Variants in TNIK observed in about 807,000 individuals in gnomAD.
TNIK encodes the protein TRAF2 and NCK-interacting protein kinase.
Under a neutral mutation model 191.3 loss-of-function variants are expected in TNIK, and 49 were observed. The observed-to-expected ratio is 0.26, with a 90% confidence interval of 0.20 to 0.32. The LOEUF (loss-of-function observed/expected upper bound fraction) is 0.32. Ranked by LOEUF, TNIK falls within the 10% of genes least tolerant of loss-of-function variation. The probability of loss-of-function intolerance (pLI) is 1.00; values close to 1 mark genes in which losing one functional copy is unlikely to be tolerated. For missense variants in TNIK, 1,155 were observed against 1,702.3 expected (o/e 0.68, Z 5.66); for synonymous variants, 594 against 600.9 (o/e 0.99, Z 0.17).
At chr3:171,379,226 A>T (rs1427289918) in intron 1 of TNIK, among the ~76,000 whole-genome samples, 1 of 152,252 alleles carries the variant, frequency 6.6e-6, no homozygotes, top group African/African-American at 2.4e-5. Context: ...ACTCACAGTT[A>T]GCTCAGTTCA....
At chr3:171,283,526 G>C (rs759431568) in intron 2 of TNIK, among the ~76,000 whole-genome samples, 6 of 152,154 alleles carry the variant, frequency 3.9e-5, no homozygotes, top group Non-Finnish European at 5.9e-5. Context: ...CTTGCTGACT[G>C]CCAGTTAAGG....
In TNIK at chr3:171,380,593, T is replaced by A. The variant is rs1717895964; in HGVS notation, c.58-10908A>T. Among the ~76,000 whole-genome samples, 10 of 152,252 alleles carry A rather than the reference T, an allele frequency of 6.6e-5. No homozygotes were observed. The South Asian group carries it at 2.1e-3, about 31-fold the overall frequency. On this transcript the variant is annotated intron_variant, in intron 1 of 32. Transcript: ENST00000436636. ...TTGATTACAGGCAGAGGTGAAACTTTTAGGTAAAAGGGACCTAACTCTATT... is the reference window on the plus strand; with the variant it reads ...TTGATTACAGGCAGAGGTGAAACTTATAGGTAAAAGGGACCTAACTCTATT...
intron 2 of TNIK, among the ~76,000 whole-genome samples, chr3:171,260,301 C>A (rs1360687217): frequency 6.6e-6 from 1 of 152,102 alleles, no homozygotes; most frequent in Non-Finnish European, 1.5e-5. Flanking sequence ...ATTTCTCTCC[C>A]GCTGCAAGAT....
intron 2 of TNIK, among the ~76,000 whole-genome samples, chr3:171,344,242 C>T (rs891087651): frequency 6.6e-6 from 1 of 152,122 alleles, no homozygotes; most frequent in Non-Finnish European, 1.5e-5. Flanking sequence ...CCTCAGTGGG[C>T]AATTCTGGTT....
chr3:171,392,219 T>C (rs1358174919), intron 1 of TNIK, among the ~76,000 whole-genome samples: 1 of 152,138 alleles, frequency 6.6e-6, no homozygotes, highest in Non-Finnish European at 1.5e-5. Flanking sequence ...ATAGGGACAG[T>C]GATACAAATG....
At chr3:171,070,203 T>C (rs1719006019) in intron 29 of TNIK, among the ~76,000 whole-genome samples, 1 of 152,222 alleles carries the variant, frequency 6.6e-6, no homozygotes. Context: ...AGTGAGGTCA[T>C]GGAGGGGAGC....
At chr3:171,344,083 A>G (rs963242206) in intron 2 of TNIK, among the ~76,000 whole-genome samples, 2 of 152,130 alleles carry the variant, frequency 1.3e-5, no homozygotes, top group Admixed American at 6.6e-5. Context: ...CATCTTTTCT[A>G]TGCCTCCCCA....
At chr3:171,347,015 TC>T (rs1171917523) in intron 2 of TNIK, 5 of 900,220 alleles carry the variant, frequency 5.6e-6, no homozygotes, top group Non-Finnish European at 8.2e-6. Context: ...CAAGGGACAG[TC>T]CTGCAGGCGT....
intron 2 of TNIK, among the ~76,000 whole-genome samples, chr3:171,306,685 C>T (rs1429924393): frequency 1.3e-5 from 2 of 152,046 alleles, no homozygotes; most frequent in African/African-American, 4.8e-5. Context: ...GTGCCTCATT[C>T]AAATGGGCTT....
At chr3:171,365,870 T>C (rs543630651) in intron 2 of TNIK, among the ~76,000 whole-genome samples, 1 of 152,352 alleles carries the variant, frequency 6.6e-6, no homozygotes, top group East Asian at 1.9e-4. Context: ...GAATCCTTCA[T>C]ATTCCTAATT....
intron 15 of TNIK, among the ~76,000 whole-genome samples, chr3:171,136,152 A>G (rs758722307): frequency 6.6e-6 from 1 of 152,212 alleles, no homozygotes; most frequent in African/African-American, 2.4e-5. Context: ...GCACAACATA[A>G]TGATCTTTTC....
chr3:171,182,475 C>T (rs960843895), intron 7 of TNIK, among the ~76,000 whole-genome samples: 4 of 152,112 alleles, frequency 2.6e-5, no homozygotes, highest in African/African-American at 7.2e-5. Flanking sequence ...AGATAAGTTT[C>T]GTTCATGGCC....
intron 2 of TNIK, among the ~76,000 whole-genome samples, chr3:171,333,530 C>T (rs1314580006): frequency 1.3e-5 from 2 of 148,294 alleles, no homozygotes; most frequent in African/African-American, 2.5e-5. Flanking sequence ...GCCAAGATCG[C>T]ACCACTGCAC....
chr3:171,218,928 T>C (rs1302926747), intron 3 of TNIK, among the ~76,000 whole-genome samples: 1 of 134,100 alleles, frequency 7.5e-6, no homozygotes, highest in African/African-American at 2.8e-5. Flanking sequence ...TATTTTTATA[T>C]GTTTTATATA....
intron 2 of TNIK, among the ~76,000 whole-genome samples, chr3:171,316,543 G>A (rs1473410016): frequency 6.6e-6 from 1 of 152,138 alleles, no homozygotes; most frequent in African/African-American, 2.4e-5. Flanking sequence ...CGGGAGAACA[G>A]TTAATAGCCC....
intron 2 of TNIK, among the ~76,000 whole-genome samples, chr3:171,242,836 T>G (rs1261321676): frequency 6.6e-6 from 1 of 152,220 alleles, no homozygotes; most frequent in Admixed American, 6.5e-5. Flanking sequence ...ATTATACATA[T>G]GATGCTTTAA....
intron 2 of TNIK, among the ~76,000 whole-genome samples, chr3:171,269,274 C>T (rs1748797756): frequency 6.6e-6 from 1 of 152,152 alleles, no homozygotes; most frequent in African/African-American, 2.4e-5. Context: ...TTTCATCTGA[C>T]TAAATGAATA....
intron 2 of TNIK, among the ~76,000 whole-genome samples, chr3:171,239,216 T>C (rs531413959): frequency 3.7e-4 from 56 of 152,364 alleles, no homozygotes; most frequent in Non-Finnish European, 7.1e-4. Context: ...AATTCAGAAA[T>C]ATATTATTTT....
chr3:171,347,359 T>C, intron 2 of TNIK: 1 of 785,280 alleles, frequency 1.3e-6, no homozygotes, highest in East Asian at 2.7e-5. Flanking sequence ...CCTAAGTGCC[T>C]GCAGAGCTGG....
Sources: gnomAD v4.1 joint callset for allele counts (sites outside exome capture counted in the v4.1 genomes callset) on GRCh38, gnomAD v4.1.1 for gene constraint, MANE v1.5 for transcripts, NCBI Gene and HGNC (gene_info 2026-07-23, HGNC 2026-07-21) for gene names.